ANO2: variants seen among roughly 807,000 people sequenced by gnomAD.
ANO2 encodes the protein anoctamin-2.
ANO2 carries 101 observed loss-of-function variants against 124.2 expected under a neutral mutation model. That is an observed-to-expected ratio of 0.81 (90% CI 0.69 to 0.96). The LOEUF is 0.96. Among genes scored for constraint, ANO2 ranks in the 40% least tolerant of loss-of-function variants. The pLI is 0.00. For missense variants in ANO2, 1,293 were observed against 1,274.5 expected (o/e 1.01, Z -0.22); for synonymous variants, 486 against 482.5 (o/e 1.01, Z -0.09).
chr12:5,747,973 T>C (rs531045854), intron 11 of ANO2, among the ~76,000 whole-genome samples: 2 of 152,080 alleles, frequency 1.3e-5, no homozygotes, highest in East Asian at 3.9e-4. Context: ...TGCATCTGTG[T>C]GCAGACATCT....
chr12:5,679,930 A>G (rs1003886964), intron 14 of ANO2, among the ~76,000 whole-genome samples: 1 of 152,256 alleles, frequency 6.6e-6, no homozygotes, highest in African/African-American at 2.4e-5. Context: ...AATGTGGTAC[A>G]GATACGCCAT....
intron 1 of ANO2, among the ~76,000 whole-genome samples, chr12:5,938,454 T>C (rs1942749033): frequency 6.6e-6 from 1 of 152,244 alleles, no homozygotes; most frequent in African/African-American, 2.4e-5. Flanking sequence ...TATTCCATTA[T>C]GGCCTCAGCC....
At chr12:5,923,504 G>C (rs1288017460) in intron 1 of ANO2, among the ~76,000 whole-genome samples, 1 of 152,174 alleles carries the variant, frequency 6.6e-6, no homozygotes, top group East Asian at 1.9e-4. Flanking sequence ...CTCCCTCGGG[G>C]AGAGAGCAAG....
At chr12:5,814,190 GGAT>G (rs1160968268) in intron 7 of ANO2, among the ~76,000 whole-genome samples, 1 of 152,190 alleles carries the variant, frequency 6.6e-6, no homozygotes, top group Non-Finnish European at 1.5e-5. Flanking sequence ...GCAGGTCTAG[GGAT>G]GATAAGAGCT....
chr12:5,853,809 G>A (rs1296352054), intron 4 of ANO2, among the ~76,000 whole-genome samples: 1 of 151,918 alleles, frequency 6.6e-6, no homozygotes, highest in Non-Finnish European at 1.5e-5. Flanking sequence ...TGCTTCTCAT[G>A]GAGCAAACCC....
At chr12:5,808,728 A>G (rs960572894) in intron 7 of ANO2, among the ~76,000 whole-genome samples, 8 of 152,212 alleles carry the variant, frequency 5.3e-5, no homozygotes, top group African/African-American at 1.9e-4. Context: ...GTTGGATAAC[A>G]AATCTAGACA....
intron 7 of ANO2, among the ~76,000 whole-genome samples, chr12:5,809,101 GT>G (rs1953299924): frequency 6.6e-6 from 1 of 152,182 alleles, no homozygotes. Context: ...AAATAACTTT[GT>G]GGGGTGAGAG....
chr12:5,899,392 G>A (rs531517292), intron 3 of ANO2, among the ~76,000 whole-genome samples: 1 of 152,288 alleles, frequency 6.6e-6, no homozygotes, highest in East Asian at 1.9e-4. Context: ...ATTCTGAGAT[G>A]CTCACTCAGG....
rs1020531412 is a variant in ANO2 at position 5,904,453 on chromosome 12, T to C, written c.534+16587A>G. 4.6e-5 allele frequency among the ~76,000 whole-genome samples: 7 copies of C among 152,322 alleles called. No homozygotes were observed. The highest frequency in any genetic ancestry group is 5.9e-5 in the Non-Finnish European group (4 of 68,018). ...AAGGGAAGCCACAGAAGAGGAAGGC[T>C]GAGTGTGCCCAGGGCAGACGCCTCG... is the stretch of plus-strand genomic sequence containing the variant. On this transcript the variant is annotated intron_variant, in intron 3 of 24. Coordinates refer to ENST00000682330, the MANE Select transcript of ANO2 (RefSeq NM_001364791.2). This position sits in a 1 kb window ranked among gnomAD's most constrained non-coding sequence, Gnocchi z 4.1.
At position 5,817,398 on chromosome 12, in the gene ANO2, G is replaced by T. The variant is rs188080358; in HGVS notation, c.893-10030C>A. ...TCCATTCAATCAAATCAACTGAGTA[G>T]AATGTGTGAGACACGCAGTGAGGTG... On this transcript the variant is annotated intron_variant, in intron 7 of 24. Transcript: ENST00000682330. 2.8e-3 allele frequency among the ~76,000 whole-genome samples: 430 copies of T among 152,354 alleles called. 1 individual carries two copies. The highest frequency in any genetic ancestry group is 9.5e-3 in the African/African-American group (396 of 41,578).
At chr12:5,824,754 T>C (rs928597161) in intron 7 of ANO2, among the ~76,000 whole-genome samples, 5 of 152,178 alleles carry the variant, frequency 3.3e-5, no homozygotes, top group African/African-American at 1.2e-4. Context: ...ATTTTCATGC[T>C]GCTGATAGAG....
intron 23 of ANO2, among the ~76,000 whole-genome samples, chr12:5,574,437 T>TTGTTG (rs1210121609): frequency 6.6e-6 from 1 of 152,084 alleles, no homozygotes; most frequent in African/African-American, 2.4e-5. Context: ...GTTTTAAATG[T>TTGTTG]AACATGATTG....
At chr12:5,887,022 C>A (rs1038898093) in intron 3 of ANO2, among the ~76,000 whole-genome samples, 1 of 152,034 alleles carries the variant, frequency 6.6e-6, no homozygotes, top group Non-Finnish European at 1.5e-5. Context: ...GTGGTGGTTG[C>A]GCTACAATGT....
chr12:5,767,563 A>C (rs1951935260), intron 10 of ANO2, among the ~76,000 whole-genome samples: 1 of 152,238 alleles, frequency 6.6e-6, no homozygotes, highest in African/African-American at 2.4e-5. Context: ...TGCTTTATAC[A>C]CAGTATCTCA....
rs191983363 is a variant in ANO2 at position 5,763,435 on chromosome 12, C to T, written c.1056-12465G>A. ...AAATTTTCTTATCAATCATGCCTTG[C>T]TTTTCTCTTCTTAATTTGTCTCCTG... On this transcript the variant is annotated intron_variant, in intron 10 of 24. Coordinates refer to ENST00000682330, the MANE Select transcript of ANO2 (RefSeq NM_001364791.2). 3.5e-3 allele frequency among the ~76,000 whole-genome samples: 531 copies of T among 152,118 alleles called. 3 individuals carry two copies. Among genetic ancestry groups the T allele is most frequent in the Non-Finnish European group, 5.5e-3 (371 of 67,912 alleles).
At chr12:5,864,854 G>C (rs1955375168) in intron 3 of ANO2, among the ~76,000 whole-genome samples, 1 of 152,188 alleles carries the variant, frequency 6.6e-6, no homozygotes. Context: ...CTTTGAGCAA[G>C]AATGCCCAGT....
At chr12:5,576,066 G>C in intron 22 of ANO2, 51 bp from the exon 23 acceptor site, 4 of 1,512,120 alleles carry the variant, frequency 2.6e-6, no homozygotes, top group Non-Finnish European at 2.7e-6. Flanking sequence ...TGCTAAAAAG[G>C]ACTGTCCACT....
intron 16 of ANO2, among the ~76,000 whole-genome samples, chr12:5,619,387 T>C (rs1396327767): frequency 2.6e-5 from 4 of 152,242 alleles, no homozygotes; most frequent in African/African-American, 7.2e-5. Context: ...GCAAGGGTTA[T>C]TGCAGGAAGA....
chr12:5,934,291 T>G (rs961266717), intron 1 of ANO2, among the ~76,000 whole-genome samples: 1 of 152,210 alleles, frequency 6.6e-6, no homozygotes, highest in Non-Finnish European at 1.5e-5. Context: ...AGCAATGCTG[T>G]GCAAAAGGAA....
Sources: allele counts gnomAD v4.1 joint callset (sites outside exome capture counted in the v4.1 genomes callset), GRCh38; gene constraint gnomAD v4.1.1; non-coding constraint Gnocchi (gnomAD v3.1); transcripts MANE v1.5; gene names NCBI Gene and HGNC (gene_info 2026-07-23, HGNC 2026-07-21).